The following CTDSPL2 variants were observed in gnomAD, a reference collection of about 807,000 sequenced individuals.
CTDSPL2 encodes CTD small phosphatase-like protein 2.
Under a neutral mutation model 60.0 loss-of-function variants are expected in CTDSPL2, and 5 were observed. The ratio of observed to expected loss-of-function variants is 0.08; its 90% CI spans 0.04 to 0.18. The LOEUF (loss-of-function observed/expected upper bound fraction) is 0.18. Among genes scored for constraint, CTDSPL2 ranks in the 10% least tolerant of loss-of-function variants. The pLI, the probability that CTDSPL2 is intolerant of heterozygous loss-of-function variation, is 1.00. For missense variants in CTDSPL2, 370 were observed against 548.8 expected, an observed-to-expected ratio of 0.67 and a Z score of 3.26; for synonymous variants, 186 against 189.3, an observed-to-expected ratio of 0.98 and a Z score of 0.14.
intron 1 of CTDSPL2, among the ~76,000 whole-genome samples, chr15:44,452,411 C>T (rs2140670424): frequency 6.6e-6 from 1 of 152,184 alleles, no homozygotes; most frequent in Admixed American, 6.5e-5. Context: ...TACATGAAAA[C>T]ACCACAGTAT....
chr15:44,431,041 T>C (rs1287536978), intron 1 of CTDSPL2, among the ~76,000 whole-genome samples: 2 of 151,956 alleles, frequency 1.3e-5, no homozygotes, highest in African/African-American at 4.8e-5. Context: ...AGGCTGGTCT[T>C]GAACTCCTGA....
intron 9 of CTDSPL2, 50 bp from the exon 10 acceptor site, chr15:44,514,715 C>T: frequency 1.3e-6 from 2 of 1,505,952 alleles, no homozygotes; most frequent in Non-Finnish European, 1.8e-6. Context: ...AATATAGTAC[C>T]CATATTTAGA....
intron 1 of CTDSPL2, among the ~76,000 whole-genome samples, chr15:44,436,195 T>C (rs2079979340): frequency 6.6e-6 from 1 of 152,176 alleles, no homozygotes; most frequent in African/African-American, 2.4e-5. Flanking sequence ...CTTTCATGAA[T>C]ATAGTAAGTT....
chr15:44,432,904 G>C (rs578166420), intron 1 of CTDSPL2, among the ~76,000 whole-genome samples: 9 of 152,160 alleles, frequency 5.9e-5, no homozygotes, highest in Non-Finnish European at 8.8e-5. Flanking sequence ...TTACAGGTGT[G>C]AGCCACCGCA....
chr15:44,498,511 A>G (rs2081338068), intron 7 of CTDSPL2, among the ~76,000 whole-genome samples: 1 of 152,206 alleles, frequency 6.6e-6, no homozygotes, highest in Non-Finnish European at 1.5e-5. Context: ...CCTTGAGGCC[A>G]GGAGTTTGAG....
chr15:44,497,521 A>T (rs1201496349), intron 7 of CTDSPL2, among the ~76,000 whole-genome samples: 1 of 151,918 alleles, frequency 6.6e-6, no homozygotes, highest in African/African-American at 2.4e-5. Flanking sequence ...GCCTGCCACC[A>T]TGCCCGGCTA....
intron 2 of CTDSPL2, among the ~76,000 whole-genome samples, chr15:44,472,656 C>G (rs1595733129): frequency 6.6e-6 from 1 of 151,616 alleles, no homozygotes; most frequent in South Asian, 2.1e-4. Context: ...TGCCACTATG[C>G]CCAGCTAATT....
rs200089455 is a variant in CTDSPL2 at position 44,441,108 on chromosome 15, GAA to G, written c.-25+13339_-25+13340del. Among the ~76,000 whole-genome samples, 658 of 152,242 alleles carry G rather than the reference GAA, an allele frequency of 4.3e-3. 2 individuals are homozygous for G. The highest frequency in any genetic ancestry group is 8.1e-3 in the South Asian group (39 of 4,818). ...TTTTTATCTTTGTCGGTGTTATCTG[GAA>G]AAGAGTTTCTCTGCTCTTGCCTCAG... is the stretch of plus-strand genomic sequence containing the variant. On this transcript the variant is annotated intron_variant, in intron 1 of 12. Coordinates refer to ENST00000260327, the MANE Select transcript of CTDSPL2 (RefSeq NM_016396.3).
chr15:44,494,617 G>C (rs537695314), intron 5 of CTDSPL2, among the ~76,000 whole-genome samples: 1 of 148,954 alleles, frequency 6.7e-6, no homozygotes, highest in South Asian at 2.1e-4. Flanking sequence ...AAGGTTAAAA[G>C]AATAATTTCT....
intron 7 of CTDSPL2, 70 bp from the exon 8 acceptor site, chr15:44,499,657 A>G (rs2081356650): frequency 4.6e-6 from 4 of 866,708 alleles, no homozygotes; most frequent in Non-Finnish European, 7.4e-6. Flanking sequence ...TTTGGTGATT[A>G]AGGATAAAAG....
At chr15:44,444,852 T>A (rs2080174608) in intron 1 of CTDSPL2, among the ~76,000 whole-genome samples, 1 of 133,230 alleles carries the variant, frequency 7.5e-6, no homozygotes, top group African/African-American at 2.8e-5. Flanking sequence ...TTTTTTTTTT[T>A]TTTTTTTTTT....
chr15:44,495,709 G>A (rs115458260), intron 5 of CTDSPL2, among the ~76,000 whole-genome samples: 1,578 of 152,006 alleles, frequency 0.01, 36 homozygotes, highest in African/African-American at 0.036. Flanking sequence ...TGAGGTGCAC[G>A]GATCACCTGG....
intron 2 of CTDSPL2, among the ~76,000 whole-genome samples, chr15:44,464,295 T>G (rs1355774557): frequency 6.6e-6 from 1 of 152,154 alleles, no homozygotes; most frequent in Non-Finnish European, 1.5e-5. Flanking sequence ...ATATTACAAA[T>G]GAGGAAGCTG....
intron 3 of CTDSPL2, 33 bp downstream of exon 3, chr15:44,484,395 G>A: frequency 6.3e-7 from 1 of 1,592,002 alleles, no homozygotes; most frequent in Non-Finnish European, 8.6e-7. Flanking sequence ...TTTTATTTAG[G>A]TGTAAGCAGA....
chr15:44,522,043 A>T (rs1044961242), intron 12 of CTDSPL2, among the ~76,000 whole-genome samples: 1 of 151,168 alleles, frequency 6.6e-6, no homozygotes, highest in Non-Finnish European at 1.5e-5. Context: ...TGCATTTTCA[A>T]ACTTTTTTGA....
At chr15:44,507,892 C>T (rs912286432) in intron 8 of CTDSPL2, among the ~76,000 whole-genome samples, 1 of 152,038 alleles carries the variant, frequency 6.6e-6, no homozygotes, top group African/African-American at 2.4e-5. Context: ...AGGTACTTTA[C>T]GTGTATTAAC....
At chr15:44,482,506 A>G (rs1457851896) in intron 2 of CTDSPL2, among the ~76,000 whole-genome samples, 20 of 152,206 alleles carry the variant, frequency 1.3e-4, no homozygotes, top group Admixed American at 1.3e-3. Context: ...CTAGGACTTA[A>G]TGTAGTTGAA....
At chr15:44,476,574 G>T (rs2080921004) in intron 2 of CTDSPL2, among the ~76,000 whole-genome samples, 2 of 152,026 alleles carry the variant, frequency 1.3e-5, no homozygotes, top group Non-Finnish European at 2.9e-5. Flanking sequence ...GGTCCAATAA[G>T]GTTATAATAC....
chr15:44,484,787 A>G (rs997029339), intron 3 of CTDSPL2, among the ~76,000 whole-genome samples: 1 of 152,170 alleles, frequency 6.6e-6, no homozygotes, highest in Non-Finnish European at 1.5e-5. Flanking sequence ...TAATTTTGTA[A>G]TCTTTGTATT....
Sources: gnomAD v4.1 joint callset for allele counts (sites outside exome capture counted in the v4.1 genomes callset) on GRCh38, gnomAD v4.1.1 for gene constraint, MANE v1.5 for transcripts, NCBI Gene and HGNC (gene_info 2026-07-23, HGNC 2026-07-21) for gene names.